FRMPD4: variants seen among roughly 807,000 people sequenced by gnomAD.
The protein encoded by FRMPD4 is FERM and PDZ domain-containing protein 4.
Under a neutral mutation model 94.1 loss-of-function variants are expected in FRMPD4, and 22 were observed. That is an observed-to-expected ratio of 0.23 (90% CI 0.17 to 0.33). The LOEUF (loss-of-function observed/expected upper bound fraction) is 0.33. Among genes scored for constraint, FRMPD4 ranks in the 10% least tolerant of loss-of-function variants. The pLI, the probability that FRMPD4 is intolerant of heterozygous loss-of-function variation, is 1.00. For synonymous variants in FRMPD4, 631 were observed against 548.6 expected (o/e 1.15, Z -2.10); for missense variants, 1,111 against 1,339.9 (o/e 0.83, Z 2.67).
chrX:12,222,438 T>C (rs1465113663), intron 1 of FRMPD4, among the ~76,000 whole-genome samples: 3 of 112,247 alleles, frequency 2.7e-5, no homozygotes, highest in Non-Finnish European at 3.8e-5. Flanking sequence ...CATGAACAGT[T>C]AAATAACAAT....
At chrX:12,405,865 T>C (rs2056660622) in intron 1 of FRMPD4, among the ~76,000 whole-genome samples, 1 of 111,484 alleles carries the variant, frequency 9.0e-6, no homozygotes, top group African/African-American at 3.3e-5. Context: ...CTCTCGATAT[T>C]ATTTCCCCAA....
intron 3 of FRMPD4, among the ~76,000 whole-genome samples, chrX:11,882,506 G>C (rs1295978711): frequency 9.0e-6 from 1 of 111,503 alleles, no homozygotes; most frequent in Admixed American, 9.5e-5. Context: ...GCACCAACAT[G>C]ACGCTACAAG....
intron 2 of FRMPD4, among the ~76,000 whole-genome samples, chrX:12,533,889 G>A (rs1303000788): frequency 8.9e-6 from 1 of 112,690 alleles, no homozygotes; most frequent in Non-Finnish European, 1.9e-5. Context: ...ATTTTCTGAG[G>A]AGAAATTCAA....
intron 3 of FRMPD4, among the ~76,000 whole-genome samples, chrX:12,096,287 A>G (rs149459641): frequency 0.013 from 1,479 of 112,546 alleles, 11 homozygotes; most frequent in Non-Finnish European, 0.018. Flanking sequence ...TTTGAAAGTA[A>G]AAGTCACAGA....
chrX:12,203,600 G>C (rs966823242), intron 1 of FRMPD4, among the ~76,000 whole-genome samples: 1 of 111,999 alleles, frequency 8.9e-6, no homozygotes, highest in Admixed American at 9.4e-5. Context: ...GTGATACTGG[G>C]GAGAGTTTTG....
At chrX:12,506,915 A>G (rs931472219) in intron 2 of FRMPD4, among the ~76,000 whole-genome samples, 1 of 112,143 alleles carries the variant, frequency 8.9e-6, no homozygotes, top group South Asian at 3.8e-4. Context: ...GGGCTGCCCT[A>G]TCTTTCCCTT....
rs1201940734 is a variant in FRMPD4 at position 12,537,669 on chromosome X, C to CAA, written c.158+38873_158+38874insAA. Among the ~76,000 whole-genome samples the CAA allele has an allele frequency of 4.5e-3, 489 of 108,359 alleles. 1 individual carries two copies. Among genetic ancestry groups the CAA allele is most frequent in the African/African-American group, 0.015 (462 of 29,817 alleles). 94.1% of individuals were successfully genotyped at this position (108,359 alleles called of 115,157 possible). A position where few individuals can be genotyped will look rare whatever the true frequency, so the allele number is the denominator to read the frequency against. On this transcript the variant is annotated intron_variant, in intron 2 of 16. Transcript: ENST00000675598. Reference sequence around the variant, plus strand: ...GTATCACCATGTTGCCCAGGCTGGTCTTGAACTCCTGGGTTCAAGCAATTC... The same window carrying CAA: ...GTATCACCATGTTGCCCAGGCTGGTCAATTGAACTCCTGGGTTCAAGCAATTC...
intron 4 of FRMPD4, among the ~76,000 whole-genome samples, chrX:12,669,356 G>T (rs981722389): frequency 1.8e-5 from 2 of 111,824 alleles, no homozygotes; most frequent in Non-Finnish European, 3.8e-5. Context: ...GCTCCCATAT[G>T]GGACCCCAGC....
chrX:12,155,532 C>G (rs1349647863), intron 1 of FRMPD4, among the ~76,000 whole-genome samples: 1 of 87,353 alleles, frequency 1.1e-5, no homozygotes, highest in Non-Finnish European at 2.1e-5. Flanking sequence ...TTGGCTGAAC[C>G]TCTTATCATT....
intron 1 of FRMPD4, among the ~76,000 whole-genome samples, chrX:12,217,117 A>G (rs1342861799): frequency 8.9e-6 from 1 of 112,292 alleles, no homozygotes; most frequent in Non-Finnish European, 1.9e-5. Flanking sequence ...CACACAACTA[A>G]AAATGTCAGT....
chrX:12,517,653 C>T (rs767067575), intron 2 of FRMPD4, among the ~76,000 whole-genome samples: 1 of 112,691 alleles, frequency 8.9e-6, no homozygotes, highest in Non-Finnish European at 1.9e-5. Flanking sequence ...TATCTGGTGA[C>T]CCCTGTTGGG....
intron 1 of FRMPD4, among the ~76,000 whole-genome samples, chrX:12,451,725 TGTATGCCC>T (rs1336726920): frequency 1.3e-5 from 1 of 78,374 alleles, no homozygotes; most frequent in East Asian, 4.4e-4. Flanking sequence ...GTGATATGTG[TGTATGCCC>T]GTGTGTGTGT....
At chrX:11,878,591 C>T (rs760372893) in intron 3 of FRMPD4, among the ~76,000 whole-genome samples, 25 of 111,837 alleles carry the variant, frequency 2.2e-4, no homozygotes, top group African/African-American at 6.8e-4. Context: ...CGTTTTTCTC[C>T]CTTGAGAACC....
chrX:12,472,831 G>A (rs1464854583), intron 1 of FRMPD4, among the ~76,000 whole-genome samples: 6 of 96,895 alleles, frequency 6.2e-5, no homozygotes, highest in Non-Finnish European at 1.1e-4. Context: ...CCAAATCTAC[G>A]TCTGATTGGT....
intron 1 of FRMPD4, among the ~76,000 whole-genome samples, chrX:11,838,254 C>A (rs2053513021): frequency 9.0e-6 from 1 of 110,706 alleles, no homozygotes; most frequent in African/African-American, 3.3e-5. Flanking sequence ...TCCCCACCCA[C>A]AAAAAAACTG....
chrX:12,053,323 A>G (rs1162537693), intron 3 of FRMPD4, among the ~76,000 whole-genome samples: 1 of 103,527 alleles, frequency 9.7e-6, no homozygotes, highest in Non-Finnish European at 2.0e-5. Flanking sequence ...TGGGTGACAG[A>G]AAAAAAGAAA....
intron 1 of FRMPD4, among the ~76,000 whole-genome samples, chrX:12,281,137 G>A (rs1335572495): frequency 8.9e-6 from 1 of 112,118 alleles, no homozygotes; most frequent in African/African-American, 3.2e-5. Context: ...AGTCGTGAGT[G>A]TTCATCACCC....
At chrX:12,411,263 A>G (rs867943047) in intron 1 of FRMPD4, among the ~76,000 whole-genome samples, 80 of 111,950 alleles carry the variant, frequency 7.1e-4, no homozygotes, top group African/African-American at 2.5e-3. Context: ...CATGGCTACT[A>G]TTTTCCTGTC....
intron 2 of FRMPD4, among the ~76,000 whole-genome samples, chrX:12,578,291 G>A (rs777919785): frequency 1.8e-5 from 2 of 112,581 alleles, no homozygotes; most frequent in African/African-American, 3.2e-5. Flanking sequence ...GAGTAGGACT[G>A]CTCACCCGCT....
Sources: gnomAD v4.1 joint callset for allele counts (sites outside exome capture counted in the v4.1 genomes callset) on GRCh38, gnomAD v4.1.1 for gene constraint, MANE v1.5 for transcripts, NCBI Gene and HGNC (gene_info 2026-07-23, HGNC 2026-07-21) for gene names.